PRKG1: variants seen among roughly 807,000 people sequenced by gnomAD.
The protein encoded by PRKG1 is protein kinase cGMP-dependent 1.
A neutral mutation model predicts 88.1 loss-of-function variants in PRKG1; 35 were observed. The observed-to-expected ratio is 0.40, with a 90% CI of 0.30 to 0.53. The LOEUF (loss-of-function observed/expected upper bound fraction) is 0.53, where lower values mean the gene tolerates loss of function less well. PRKG1 is among the 20% of genes least tolerant of loss of function. The probability of loss-of-function intolerance (pLI) is 0.59; values close to 1 mark genes in which losing one functional copy is unlikely to be tolerated. For missense variants in PRKG1, 540 were observed against 839.8 expected (o/e 0.64, Z 4.41); for synonymous variants, 303 against 292.5 (o/e 1.04, Z -0.37).
chr10:51,912,831 CT>C (rs1220811770), intron 5 of PRKG1, among the ~76,000 whole-genome samples: 1 of 151,136 alleles, frequency 6.6e-6, no homozygotes, highest in African/African-American at 2.4e-5. Flanking sequence ...TTGTGAGTTT[CT>C]CCCCATGAGA....
At chr10:51,947,083 A>G (rs2133043718) in intron 5 of PRKG1, among the ~76,000 whole-genome samples, 1 of 152,208 alleles carries the variant, frequency 6.6e-6, no homozygotes, top group South Asian at 2.1e-4. Flanking sequence ...CTACAGAGGC[A>G]GGCAGGCCTC....
chr10:51,618,559 AC>A (rs1311805727), intron 3 of PRKG1, among the ~76,000 whole-genome samples: 3 of 152,184 alleles, frequency 2.0e-5, no homozygotes, highest in African/African-American at 7.2e-5. Flanking sequence ...TCACTTTAGT[AC>A]TAACAACTAT....
chr10:51,295,899 G>A (rs928183340), intron 2 of PRKG1, among the ~76,000 whole-genome samples: 1 of 151,992 alleles, frequency 6.6e-6, no homozygotes, highest in Non-Finnish European at 1.5e-5. Context: ...GATGAACTTT[G>A]TCAAATGCTT....
intron 2 of PRKG1, among the ~76,000 whole-genome samples, chr10:51,438,859 A>C (rs1038890449): frequency 6.6e-6 from 1 of 151,954 alleles, no homozygotes; most frequent in Non-Finnish European, 1.5e-5. Context: ...GTGGAGCTGC[A>C]AATTGTACAT....
intron 9 of PRKG1, among the ~76,000 whole-genome samples, chr10:52,216,195 T>G (rs1840107176): frequency 6.6e-6 from 1 of 152,190 alleles, no homozygotes; most frequent in African/African-American, 2.4e-5. Flanking sequence ...AATATACTCT[T>G]CTTAGACACT....
Position 50,991,185 on chromosome 10 carries a change from A to G in PRKG1, c.-194A>G. On this transcript the variant is annotated 5_prime_UTR_variant, in exon 1 of 18. Transcript: ENST00000401604. This position sits in a 1 kb window ranked among gnomAD's most constrained non-coding sequence, Gnocchi z 4.5. The stretch of plus-strand genomic sequence containing the variant: ...ATCCTCCCCTCGGTGCTTTTAGTCC[A>G]TTCAGCAGAAGCGGATCGAAGCAGG... 2.7e-6 allele frequency: 2 copies of G among 733,722 alleles called. No homozygotes were observed. The highest frequency in any genetic ancestry group is 4.2e-6 in the Non-Finnish European group (2 of 478,776). The allele number at this position is 733,722 out of a possible 1,614,324, so 45.5% of individuals were successfully genotyped here. A position where few individuals can be genotyped will look rare whatever the true frequency, so the allele number is the denominator to read the frequency against.
intron 3 of PRKG1, among the ~76,000 whole-genome samples, chr10:51,670,227 C>A (rs1185436038): frequency 6.6e-6 from 1 of 151,810 alleles, no homozygotes; most frequent in East Asian, 1.9e-4. Flanking sequence ...CCAAATTTAC[C>A]ACTTGAAACA....
intron 9 of PRKG1, among the ~76,000 whole-genome samples, chr10:52,225,524 G>A (rs527558347): frequency 1.3e-5 from 2 of 152,150 alleles, no homozygotes; most frequent in African/African-American, 4.8e-5. Flanking sequence ...TGTTTTTATT[G>A]CATTTGCTTT....
chr10:51,611,715 C>G (rs548271829), intron 3 of PRKG1, among the ~76,000 whole-genome samples: 2 of 151,580 alleles, frequency 1.3e-5, no homozygotes, highest in East Asian at 3.9e-4. Flanking sequence ...CTTGCCTAGA[C>G]CAATGTCCTA....
At chr10:51,101,710 A>C (rs552277772) in intron 1 of PRKG1, among the ~76,000 whole-genome samples, 1 of 152,182 alleles carries the variant, frequency 6.6e-6, no homozygotes, top group South Asian at 2.1e-4. Flanking sequence ...GATCATAGTG[A>C]GAACATGTTG....
chr10:51,550,116 C>T lies in PRKG1; in HGVS notation c.592+82280C>T, dbSNP rs1245542282. Among the ~76,000 whole-genome samples the T allele has an allele frequency of 2.6e-5, 4 of 152,090 alleles. No individual in the cohort carries two copies. The East Asian group carries it at 7.7e-4, about 29-fold the overall frequency. On this transcript the variant is annotated intron_variant, in intron 3 of 17. Transcript: ENST00000373980. ...ACGAATACCATGATCATCTCTAATA[C>T]TAAGTCTCTACTAGGAACTACAGGA...
At chr10:51,809,735 T>C (rs184167066) in intron 4 of PRKG1, among the ~76,000 whole-genome samples, 22 of 152,186 alleles carry the variant, frequency 1.4e-4, no homozygotes, top group African/African-American at 5.3e-4. Context: ...AATATTTTCT[T>C]TATCCACTTG....
At chr10:51,923,594 C>T (rs1393086501) in intron 5 of PRKG1, among the ~76,000 whole-genome samples, 6 of 150,754 alleles carry the variant, frequency 4.0e-5, no homozygotes, top group African/African-American at 1.5e-4. Flanking sequence ...TTGCAACATA[C>T]CACCAATTCA....
intron 1 of PRKG1, among the ~76,000 whole-genome samples, chr10:51,022,641 A>G (rs1843154063): frequency 6.6e-6 from 1 of 152,176 alleles, no homozygotes; most frequent in South Asian, 2.1e-4. Flanking sequence ...AGTGAACACA[A>G]TATAGGAAGA....
intron 3 of PRKG1, among the ~76,000 whole-genome samples, chr10:51,801,007 C>T (rs1365167794): frequency 6.6e-6 from 1 of 152,052 alleles, no homozygotes; most frequent in Non-Finnish European, 1.5e-5. Flanking sequence ...TTCTGCAAAG[C>T]CTTCTTTAAT....
chr10:51,265,373 G>C (rs1372275749), intron 2 of PRKG1, among the ~76,000 whole-genome samples: 10 of 152,030 alleles, frequency 6.6e-5, no homozygotes, highest in Admixed American at 6.5e-4. Flanking sequence ...ATAATTTTTA[G>C]TCTAATTTTG....
chr10:51,818,128 A>T (rs1050334986), intron 4 of PRKG1, among the ~76,000 whole-genome samples: 3 of 152,218 alleles, frequency 2.0e-5, no homozygotes, highest in African/African-American at 7.2e-5. Flanking sequence ...TATAGAATTA[A>T]CCTAAATCAG....
intron 2 of PRKG1, among the ~76,000 whole-genome samples, chr10:51,201,976 C>A (rs538891698): frequency 6.6e-6 from 1 of 152,292 alleles, no homozygotes; most frequent in East Asian, 1.9e-4. Context: ...CTTATGTAGG[C>A]AGGTCTTTTT....
At chr10:51,495,845 TGTA>T (rs1292102388) in intron 3 of PRKG1, among the ~76,000 whole-genome samples, 4 of 152,114 alleles carry the variant, frequency 2.6e-5, no homozygotes, top group Non-Finnish European at 5.9e-5. Context: ...TTAAAAGTGA[TGTA>T]GGTATGATTG....
Sources: gnomAD v4.1 joint callset for allele counts (sites outside exome capture counted in the v4.1 genomes callset) on GRCh38, gnomAD v4.1.1 for gene constraint, Gnocchi (gnomAD v3.1) non-coding constraint, MANE v1.5 for transcripts, NCBI Gene and HGNC (gene_info 2026-07-23, HGNC 2026-07-21) for gene names.